Variants in NUDCD3 observed in about 807,000 individuals in gnomAD.
NUDCD3 encodes the protein NudC domain containing 3.
In NUDCD3, 13 loss-of-function variants were observed where a neutral mutation model predicts 39.7. The ratio of observed to expected loss-of-function variants is 0.33; its 90% CI spans 0.21 to 0.52. The LOEUF (loss-of-function observed/expected upper bound fraction) is 0.52, where lower values mean the gene tolerates loss of function less well. NUDCD3 is among the 20% of genes least tolerant of loss of function. The pLI is 0.96. For synonymous variants in NUDCD3, 175 were observed against 172.4 expected, an observed-to-expected ratio of 1.02 and a Z score of -0.12; for missense variants, 453 against 458.1, an observed-to-expected ratio of 0.99 and a Z score of 0.10.
At chr7:44,408,157 T>C (rs1283109404) in intron 3 of NUDCD3, among the ~76,000 whole-genome samples, 1 of 152,194 alleles carries the variant, frequency 6.6e-6, no homozygotes, top group Non-Finnish European at 1.5e-5. Context: ...AAAATTATTT[T>C]TAAGCTAGAA....
At chr7:44,437,986 T>G (rs573596971) in intron 2 of NUDCD3, among the ~76,000 whole-genome samples, 1 of 152,174 alleles carries the variant, frequency 6.6e-6, no homozygotes, top group African/African-American at 2.4e-5. Flanking sequence ...TCCTAATTTT[T>G]TAGCAGTATT....
chr7:44,484,837 A>G lies in NUDCD3; in HGVS notation c.509+131T>C, dbSNP rs1800570600. The G allele has an allele frequency of 3.4e-5, 25 of 738,976 alleles. 1 individual carries two copies. The South Asian group carries it at 4.5e-4, about 13-fold the overall frequency. 45.8% of individuals were successfully genotyped at this position (738,976 alleles called of 1,614,324 possible). A position where few individuals can be genotyped will look rare whatever the true frequency, so the allele number is the denominator to read the frequency against. On this transcript the variant is annotated intron_variant, in intron 2 of 5. Coordinates refer to ENST00000355451, the MANE Select transcript of NUDCD3 (RefSeq NM_015332.4). The stretch of plus-strand genomic sequence containing the variant: ...CTGAAAGACTGTAATGCAGCAGTTT[A>G]CAAACATGAAGAGCTAAATAAATAC...
intron 2 of NUDCD3, among the ~76,000 whole-genome samples, chr7:44,459,728 T>G (rs890218403): frequency 6.6e-6 from 1 of 152,192 alleles, no homozygotes; most frequent in Non-Finnish European, 1.5e-5. Context: ...ACATTAACTG[T>G]ATGGCTACTA....
At chr7:44,469,976 C>G (rs1288672946) in intron 2 of NUDCD3, among the ~76,000 whole-genome samples, 3 of 152,064 alleles carry the variant, frequency 2.0e-5, no homozygotes, top group African/African-American at 4.8e-5. Flanking sequence ...CAAATTGAAC[C>G]CTGAGCCAAG....
intron 3 of NUDCD3, among the ~76,000 whole-genome samples, 160 bp from the exon 4 acceptor site, chr7:44,404,743 T>C (rs1192414551): frequency 6.7e-6 from 1 of 150,208 alleles, no homozygotes; most frequent in Non-Finnish European, 1.5e-5. Flanking sequence ...ACCAGCCTAA[T>C]TTATACCTAG....
At chr7:44,448,913 T>C (rs1265663987) in intron 2 of NUDCD3, among the ~76,000 whole-genome samples, 2 of 152,200 alleles carry the variant, frequency 1.3e-5, no homozygotes, top group African/African-American at 4.8e-5. Context: ...GGGAAGAAGG[T>C]GCCCTGAGCT....
At chr7:44,417,651 CA>C (rs1264986792) in intron 3 of NUDCD3, among the ~76,000 whole-genome samples, 1 of 152,080 alleles carries the variant, frequency 6.6e-6, no homozygotes, top group Non-Finnish European at 1.5e-5. Context: ...GCAATACTAA[CA>C]AAAAATGAAA....
chr7:44,430,472 G>A (rs1351717676), intron 2 of NUDCD3, among the ~76,000 whole-genome samples: 1 of 152,072 alleles, frequency 6.6e-6, no homozygotes, highest in Non-Finnish European at 1.5e-5. Flanking sequence ...CTGGAAACTG[G>A]AGACTTCTCT....
intron 2 of NUDCD3, among the ~76,000 whole-genome samples, chr7:44,466,842 C>T (rs956567155): frequency 1.3e-5 from 2 of 152,184 alleles, no homozygotes; most frequent in Non-Finnish European, 2.9e-5. Context: ...TGTGCAAACA[C>T]CCCCGCTTCC....
chr7:44,409,943 A>G (rs1798892076), intron 3 of NUDCD3, among the ~76,000 whole-genome samples: 2 of 152,194 alleles, frequency 1.3e-5, no homozygotes, highest in African/African-American at 2.4e-5. Flanking sequence ...AGCATTTAGA[A>G]GAAAGAACAA....
At position 44,385,278 on chromosome 7, in the gene NUDCD3, G is replaced by A. The variant is rs1215557252; in HGVS notation, c.*733C>T. On this transcript the variant is annotated 3_prime_UTR_variant, in exon 6 of 6. Transcript: ENST00000355451. ...ACAGCATGCCATGCGTGGTGGCCGG[G>A]CTTGGTTCACTTCAACAAGAACCAA... The A allele has an allele frequency of 3.3e-5, 5 of 152,192 alleles. No homozygotes were observed. Among genetic ancestry groups the A allele is most frequent in the Non-Finnish European group, 7.3e-5 (5 of 68,050 alleles). The allele number at this position is 152,192 out of a possible 1,614,324, so 9.4% of individuals were successfully genotyped here. A position where few individuals can be genotyped will look rare whatever the true frequency, so the allele number is the denominator to read the frequency against.
chr7:44,410,567 G>A (rs1340082279), intron 3 of NUDCD3, among the ~76,000 whole-genome samples: 1 of 152,136 alleles, frequency 6.6e-6, no homozygotes, highest in Non-Finnish European at 1.5e-5. Context: ...GGGAGGCTGA[G>A]GCAGGAGAAT....
rs1228730989 is a variant in NUDCD3 at position 44,382,895 on chromosome 7, G to C, written c.*3116C>G. 2.0e-5 allele frequency: 3 copies of C among 152,320 alleles called. No homozygotes were observed. Among genetic ancestry groups the C allele is most frequent in the Non-Finnish European group, 4.4e-5 (3 of 68,118 alleles). 9.4% of individuals were successfully genotyped at this position (152,320 alleles called of 1,614,324 possible). A position where few individuals can be genotyped will look rare whatever the true frequency, so the allele number is the denominator to read the frequency against. ...TTTCCACACAAAACACTTCTCAACT[G>C]TTCTCCCTCCTGCACTCTTCAGGGG... is the stretch of plus-strand genomic sequence containing the variant. On this transcript the variant is annotated 3_prime_UTR_variant, in exon 6 of 6. Coordinates refer to ENST00000355451, the MANE Select transcript of NUDCD3 (RefSeq NM_015332.4).
chr7:44,481,747 T>C (rs1203990778), intron 2 of NUDCD3, among the ~76,000 whole-genome samples: 1 of 152,378 alleles, frequency 6.6e-6, no homozygotes, highest in South Asian at 2.1e-4. Flanking sequence ...AACAATGCTA[T>C]AGACTGAATG....
At chr7:44,477,021 T>C (rs1412299035) in intron 2 of NUDCD3, among the ~76,000 whole-genome samples, 2 of 148,250 alleles carry the variant, frequency 1.3e-5, no homozygotes, top group East Asian at 3.9e-4. Context: ...TTCCAAATGA[T>C]GCCATTCCCT....
chr7:44,410,129 T>C (rs1288837066), intron 3 of NUDCD3, among the ~76,000 whole-genome samples: 4 of 151,930 alleles, frequency 2.6e-5, no homozygotes, highest in Non-Finnish European at 4.4e-5. Flanking sequence ...CTTTCCAAAT[T>C]TGACATGAAA....
intron 3 of NUDCD3, among the ~76,000 whole-genome samples, chr7:44,407,523 C>A (rs1370422902): frequency 2.0e-5 from 3 of 147,928 alleles, no homozygotes; most frequent in African/African-American, 7.6e-5. Context: ...CGAGACTGCA[C>A]CATTGCAACA....
At chr7:44,433,746 T>C (rs1000295031) in intron 2 of NUDCD3, among the ~76,000 whole-genome samples, 2 of 152,202 alleles carry the variant, frequency 1.3e-5, no homozygotes, top group Non-Finnish European at 2.9e-5. Context: ...ATGGCAGCCA[T>C]GGCTGCGTCT....
chr7:44,484,745 G>A, intron 2 of NUDCD3: 1 of 491,928 alleles, frequency 2.0e-6, no homozygotes. Flanking sequence ...TCAAATGGTT[G>A]TATGACTACT....
Sources: gnomAD v4.1 joint callset for allele counts (sites outside exome capture counted in the v4.1 genomes callset) on GRCh38, gnomAD v4.1.1 for gene constraint, MANE v1.5 for transcripts, NCBI Gene and HGNC (gene_info 2026-07-23, HGNC 2026-07-21) for gene names.